The following AGT variants were observed in gnomAD, a reference collection of about 807,000 sequenced individuals.
AGT encodes the protein alpha-1 antiproteinase, antitrypsin.
In AGT, 26 loss-of-function variants were observed where a neutral mutation model predicts 28.1. The observed-to-expected ratio is 0.92, with a 90% CI of 0.68 to 1.28. The LOEUF (loss-of-function observed/expected upper bound fraction) is 1.28. Among genes scored for constraint, AGT ranks in the 50% most tolerant of loss-of-function variants. AGT has a pLI of 0.00. For missense variants in AGT, 596 were observed against 592.3 expected (o/e 1.01, Z -0.06); for synonymous variants, 259 against 259.6 (o/e 1.00, Z 0.02).
At position 230,710,201 on chromosome 1, in the gene AGT, A is replaced by G. The variant is rs1663534646; in HGVS notation, c.623T>C (p.Leu208Pro). The G allele has an allele frequency of 2.5e-6, 4 of 1,613,756 alleles. No individual in the cohort carries two copies. Among genetic ancestry groups the G allele is most frequent in the Non-Finnish European group, 3.4e-6 (4 of 1,179,960 alleles). Residue 208 changes from leucine (L) to proline (P), a missense_variant, in exon 2 of 5, where the codon CTG (leucine) becomes CCG (proline). Transcript: ENST00000366667. The part of the protein sequence containing the change: ...TVVGVFTAPG[L>P]HLKQPFVQGL... The stretch of plus-strand genomic sequence containing the variant: ...CTGCACAAACGGCTGCTTCAGGTGC[A>G]GGCCTGGGGCTGTGAACACGCCCAC...
upstream of AGT, among the ~76,000 whole-genome samples, chr1:230,716,927 T>A (rs986862987): frequency 1.3e-5 from 2 of 151,676 alleles, no homozygotes; most frequent in African/African-American, 4.8e-5. Flanking sequence ...AAAAGAGAGA[T>A]CAGACTGTTA....
intron 1 of AGT, among the ~76,000 whole-genome samples, chr1:230,713,882 G>T (rs1663664928): frequency 6.6e-6 from 1 of 152,172 alleles, no homozygotes; most frequent in Admixed American, 6.5e-5. Flanking sequence ...TTGTCCTATT[G>T]CTGAGGAGGA....
At chr1:230,705,748 G>A (rs1393509331) in intron 3 of AGT, among the ~76,000 whole-genome samples, 185 bp downstream of exon 3, 1 of 152,218 alleles carries the variant, frequency 6.6e-6, no homozygotes, top group Non-Finnish European at 1.5e-5. Context: ...CTGGAGAGCT[G>A]GGTGCTGGCT....
chr1:230,732,210 A>C (rs1394878859), intron 1 of AGT, among the ~76,000 whole-genome samples: 2 of 152,086 alleles, frequency 1.3e-5, no homozygotes, highest in Non-Finnish European at 2.9e-5. Context: ...TATATTGCTC[A>C]GGCTGGTCTC....
At position 230,704,179 on chromosome 1, in the gene AGT, A is replaced by C. The variant is rs756706540; in HGVS notation, c.1242+14T>G. On this transcript the variant is annotated intron_variant, in intron 4 of 4. Transcript: ENST00000366667. ...TGGAACCCAGGTCAGGCACAGACAC[A>C]GGCTCACACATACCTCCCCCACCCT... The C allele has an allele frequency of 1.2e-6, 2 of 1,614,204 alleles. No homozygotes were observed. The highest frequency in any genetic ancestry group is 8.5e-7 in the Non-Finnish European group (1 of 1,180,020).
At chr1:230,739,369 C>T (rs1664204507) in intron 1 of AGT, among the ~76,000 whole-genome samples, 1 of 151,896 alleles carries the variant, frequency 6.6e-6, no homozygotes, top group Non-Finnish European at 1.5e-5. Context: ...TGTCCAATCA[C>T]AATTTCCACT....
chr1:230,721,259 G>A lies in AGT; in HGVS notation c.-30-10406C>T, dbSNP rs1663838235. 2.6e-5 allele frequency among the ~76,000 whole-genome samples: 4 copies of A among 152,210 alleles called. No individual in the cohort carries two copies. The South Asian group carries it at 8.3e-4, about 31-fold the overall frequency. On this transcript the variant is annotated intron_variant, in intron 1 of 4. Coordinates refer to the AGT transcript ENST00000681269. Reference sequence around the variant, plus strand: ...ACTAACCCTTCTTCCTCCTTCAAATGTTGATGTAATGTCTGGAGACAAAAC... The same window carrying A: ...ACTAACCCTTCTTCCTCCTTCAAATATTGATGTAATGTCTGGAGACAAAAC...
intron 1 of AGT, among the ~76,000 whole-genome samples, chr1:230,733,285 A>AAAAC (rs199570846): frequency 6.7e-6 from 1 of 149,702 alleles, no homozygotes; most frequent in African/African-American, 2.4e-5. Flanking sequence ...CTCCGTCTCA[A>AAAAC]AAACAAACAA....
chr1:230,720,504 A>T (rs1413246932), intron 1 of AGT, among the ~76,000 whole-genome samples: 2 of 142,438 alleles, frequency 1.4e-5, no homozygotes, highest in Non-Finnish European at 3.0e-5. Context: ...GCCTAGGCAG[A>T]TGGGGCGGGT....
Position 230,703,295 on chromosome 1 carries a change from T to C in AGT, c.1277A>G (p.Asp426Gly). The change falls in exon 5 of 5, where the codon GAT becomes GGT. Residue 426 changes from aspartate (D) to glycine (G), a missense_variant. Coordinates refer to ENST00000366667, the MANE Select transcript of AGT (RefSeq NM_001384479.1). ...LNSIFFELEA[D>G]EREPTESTQQ... ...GGTAGACTCTGTGGGCTCTCTCTCA[T>C]CCGCTTCAAGCTCAAAAAAAATGCT... is the stretch of plus-strand genomic sequence containing the variant. The C allele has an allele frequency of 1.2e-6, 2 of 1,614,030 alleles. No homozygotes were observed. The highest frequency in any genetic ancestry group is 1.7e-6 in the Non-Finnish European group (2 of 1,180,016).
At chr1:230,730,375 G>A (rs11122586) in intron 1 of AGT, among the ~76,000 whole-genome samples, 46,497 of 151,904 alleles carry the variant, frequency 0.31, 8,285 homozygotes, top group East Asian at 0.67. Flanking sequence ...TACCCAGCCA[G>A]GATACCCTAT....
At chr1:230,726,619 AC>A (rs1286382037) in intron 1 of AGT, among the ~76,000 whole-genome samples, 1 of 152,162 alleles carries the variant, frequency 6.6e-6, no homozygotes, top group African/African-American at 2.4e-5. Flanking sequence ...TTATTGGATG[AC>A]TTATATCACT....
intron 1 of AGT, among the ~76,000 whole-genome samples, chr1:230,739,273 G>A (rs1472123649): frequency 6.6e-6 from 1 of 151,392 alleles, no homozygotes; most frequent in African/African-American, 2.4e-5. Flanking sequence ...AAGGATGGCT[G>A]GAGCCCAGGA....
At chr1:230,729,084 A>G (rs1926721) in intron 1 of AGT, among the ~76,000 whole-genome samples, 8,655 of 152,236 alleles carry the variant, frequency 0.057, 317 homozygotes, top group Middle Eastern at 0.14. Context: ...AGAACTTCAA[A>G]GGCCACCTGA....
chr1:230,731,367 G>A (rs2102803096), intron 1 of AGT, among the ~76,000 whole-genome samples: 1 of 152,250 alleles, frequency 6.6e-6, no homozygotes, highest in South Asian at 2.1e-4. Context: ...CACATAGCCA[G>A]TTATTTCTTC....
intron 1 of AGT, among the ~76,000 whole-genome samples, chr1:230,737,544 T>A (rs1664178390): frequency 6.6e-6 from 1 of 152,116 alleles, no homozygotes; most frequent in African/African-American, 2.4e-5. Context: ...ACTCCTGACC[T>A]GAGGTGATCC....
chr1:230,712,771 TAG>T (rs1663633121), intron 1 of AGT, among the ~76,000 whole-genome samples: 1 of 152,134 alleles, frequency 6.6e-6, no homozygotes, highest in South Asian at 2.1e-4. Context: ...GGCTGCTCCC[TAG>T]GCTGGTTCCA....
intron 1 of AGT, among the ~76,000 whole-genome samples, chr1:230,736,403 C>T (rs2102805696): frequency 6.6e-6 from 1 of 152,178 alleles, no homozygotes; most frequent in South Asian, 2.1e-4. Context: ...CCTGTAGTCC[C>T]AGCTACTCAG....
chr1:230,709,846 G>T, intron 2 of AGT, 149 bp downstream of exon 2: 1 of 1,173,316 alleles, frequency 8.5e-7, no homozygotes, highest in Non-Finnish European at 1.3e-6. Flanking sequence ...GGACCCAGCG[G>T]AGCAGCCACT....
Sources: gnomAD v4.1 joint callset for allele counts (sites outside exome capture counted in the v4.1 genomes callset) on GRCh38, gnomAD v4.1.1 for gene constraint, MANE v1.5 for transcripts, NCBI Gene and HGNC (gene_info 2026-07-23, HGNC 2026-07-21) for gene names.